Variants in RIT2 observed in about 807,000 individuals in gnomAD.
The protein encoded by RIT2 is Ras like without CAAX 2.
RIT2 carries 24 observed loss-of-function variants against 23.7 expected under a neutral mutation model. The ratio of observed to expected loss-of-function variants is 1.01; its 90% confidence interval spans 0.73 to 1.43. RIT2 has a LOEUF of 1.43. RIT2 is among the 40% of genes most tolerant of loss of function. RIT2 has a pLI of 0.00. For missense variants in RIT2, 236 were observed against 266.9 expected (o/e 0.88, Z 0.81); for synonymous variants, 107 against 91.1 (o/e 1.17, Z -0.99).
At chr18:43,019,339 T>C (rs949119102) in intron 2 of RIT2, among the ~76,000 whole-genome samples, 3 of 151,942 alleles carry the variant, frequency 2.0e-5, no homozygotes, top group Non-Finnish European at 2.9e-5. Context: ...TAATACAATA[T>C]GATTAAGTGG....
At chr18:42,752,336 A>C (rs1472066762) in intron 4 of RIT2, among the ~76,000 whole-genome samples, 1 of 152,220 alleles carries the variant, frequency 6.6e-6, no homozygotes, top group East Asian at 1.9e-4. Flanking sequence ...TTAAATTTTA[A>C]GTAAAATTAA....
intron 2 of RIT2, among the ~76,000 whole-genome samples, chr18:42,994,880 C>G (rs1204219218): frequency 6.6e-6 from 1 of 152,186 alleles, no homozygotes; most frequent in African/African-American, 2.4e-5. Context: ...CTGGCTCCTT[C>G]AGCTACACTC....
At chr18:42,930,015 C>T (rs983551331) in intron 3 of RIT2, among the ~76,000 whole-genome samples, 7 of 152,208 alleles carry the variant, frequency 4.6e-5, no homozygotes, top group African/African-American at 1.7e-4. Context: ...GGGTGACAGA[C>T]TGGGATAGGC....
At chr18:42,841,613 C>G (rs1036172993) in intron 4 of RIT2, among the ~76,000 whole-genome samples, 3 of 152,108 alleles carry the variant, frequency 2.0e-5, no homozygotes, top group African/African-American at 7.2e-5. Context: ...ATACCCTAAG[C>G]TTATATCAAG....
intron 3 of RIT2, among the ~76,000 whole-genome samples, chr18:42,950,275 A>T (rs1909819246): frequency 6.6e-6 from 1 of 152,088 alleles, no homozygotes; most frequent in African/African-American, 2.4e-5. Context: ...CTGATCTTCA[A>T]CAAAAAATAA....
At chr18:42,871,383 T>C (rs1434365501) in intron 4 of RIT2, among the ~76,000 whole-genome samples, 1 of 152,186 alleles carries the variant, frequency 6.6e-6, no homozygotes, top group Non-Finnish European at 1.5e-5. Context: ...TTTGTGTGTG[T>C]GTGTATACAT....
At chr18:43,014,661 C>CAAAAAA (rs61052935) in intron 2 of RIT2, among the ~76,000 whole-genome samples, 1 of 151,008 alleles carries the variant, frequency 6.6e-6, no homozygotes. Flanking sequence ...CTTTCAAAAG[C>CAAAAAA]AAAAAAAGGA....
intron 4 of RIT2, among the ~76,000 whole-genome samples, chr18:42,888,519 G>T (rs1598701029): frequency 1.3e-5 from 2 of 148,540 alleles, no homozygotes; most frequent in African/African-American, 2.5e-5. Flanking sequence ...TCCAGCATCT[G>T]TTTTTTTTTT....
In RIT2 at chr18:42,974,163, C is replaced by T. The variant is rs200043207; in HGVS notation, c.161-16G>A. ...TAAGCATCTTCTGAAAAACACAAGA[C>T]AACATTTACATTTAAATGTGACAGG... On this transcript the variant is annotated splice_polypyrimidine_tract_variant and intron_variant, in intron 2 of 4. Coordinates refer to ENST00000326695, the MANE Select transcript of RIT2 (RefSeq NM_002930.4). The T allele has an allele frequency of 7.3e-5, 114 of 1,568,526 alleles. No homozygotes were observed. In the East Asian group the frequency reaches 2.4e-3, roughly 33 times the overall value.
At chr18:42,825,930 A>G (rs1251513956) in intron 4 of RIT2, among the ~76,000 whole-genome samples, 2 of 151,946 alleles carry the variant, frequency 1.3e-5, no homozygotes, top group Non-Finnish European at 2.9e-5. Context: ...TCTTGACTAT[A>G]TAAATGCATA....
rs373906673 is a variant in RIT2, at chr18:42,898,372, C to T, written c.426+25200G>A. Among the ~76,000 whole-genome samples, 22 of 151,996 alleles carry T rather than the reference C, an allele frequency of 1.4e-4. No individual in the cohort carries two copies. The East Asian group carries it at 2.3e-3, about 16-fold the overall frequency. The stretch of plus-strand genomic sequence containing the variant: ...TTGCACCACTGCACTCCAGCCTGGG[C>T]GACAGAGTGAGACTGTCCCAAAACA... On this transcript the variant is annotated intron_variant, in intron 4 of 4. Coordinates refer to ENST00000326695, the MANE Select transcript of RIT2 (RefSeq NM_002930.4).
intron 2 of RIT2, among the ~76,000 whole-genome samples, chr18:42,998,768 A>G (rs1241834882): frequency 6.6e-6 from 1 of 152,096 alleles, no homozygotes; most frequent in African/African-American, 2.4e-5. Context: ...AAAGCTTAGA[A>G]GGCTGCTCTG....
intron 4 of RIT2, among the ~76,000 whole-genome samples, chr18:42,825,531 A>T (rs1193430969): frequency 6.6e-6 from 1 of 151,938 alleles, no homozygotes; most frequent in Non-Finnish European, 1.5e-5. Flanking sequence ...GATTAAAAAA[A>T]TTTGTAGACT....
chr18:42,824,530 C>A (rs1906241783), intron 4 of RIT2, among the ~76,000 whole-genome samples: 1 of 151,922 alleles, frequency 6.6e-6, no homozygotes, highest in Non-Finnish European at 1.5e-5. Context: ...CTCAAAGATG[C>A]ATAAAATTAT....
At chr18:42,790,665 G>A (rs558091296) in intron 4 of RIT2, among the ~76,000 whole-genome samples, 2 of 152,154 alleles carry the variant, frequency 1.3e-5, no homozygotes, top group Non-Finnish European at 2.9e-5. Context: ...CTGACCTCAG[G>A]TGTGCCACCC....
intron 2 of RIT2, among the ~76,000 whole-genome samples, chr18:43,012,072 T>C (rs1206088896): frequency 6.6e-6 from 1 of 151,774 alleles, no homozygotes; most frequent in East Asian, 1.9e-4. Context: ...TAGGACAGCA[T>C]TAAGAAGAGT....
chr18:42,802,999 C>T (rs1280287100), intron 4 of RIT2, among the ~76,000 whole-genome samples: 5 of 152,074 alleles, frequency 3.3e-5, no homozygotes, highest in Non-Finnish European at 4.4e-5. Flanking sequence ...TGGCCCTGGG[C>T]AAAGCCTTTA....
chr18:42,972,804 T>C (rs1047304854), intron 3 of RIT2, among the ~76,000 whole-genome samples: 1 of 151,836 alleles, frequency 6.6e-6, no homozygotes, highest in African/African-American at 2.4e-5. Context: ...AAACAGGATG[T>C]GTATGTGAAA....
At chr18:42,882,719 T>C (rs1174306532) in intron 4 of RIT2, among the ~76,000 whole-genome samples, 1 of 152,162 alleles carries the variant, frequency 6.6e-6, no homozygotes, top group Non-Finnish European at 1.5e-5. Context: ...AATGGGGTAG[T>C]AGGAGGAATA....
Sources: allele counts gnomAD v4.1 joint callset (sites outside exome capture counted in the v4.1 genomes callset), GRCh38; gene constraint gnomAD v4.1.1; transcripts MANE v1.5; gene names NCBI Gene and HGNC (gene_info 2026-07-23, HGNC 2026-07-21).